RREB1: variants seen among roughly 807,000 people sequenced by gnomAD.
RREB1 encodes the protein ras-responsive element-binding protein 1.
In RREB1, 27 loss-of-function variants were observed where a neutral mutation model predicts 117.8. That is an observed-to-expected ratio of 0.23 (90% CI 0.17 to 0.32). The LOEUF (loss-of-function observed/expected upper bound fraction) is 0.32. Ranked by LOEUF, RREB1 falls within the 10% of genes least tolerant of loss-of-function variation. RREB1 has a pLI of 1.00. For missense variants in RREB1, 2,577 were observed against 2,378.2 expected (o/e 1.08, Z -1.74); for synonymous variants, 1,298 against 1,026.7 (o/e 1.26, Z -5.05).
intron 1 of RREB1, among the ~76,000 whole-genome samples, chr6:7,155,028 G>T (rs1001266436): frequency 6.6e-6 from 1 of 152,174 alleles, no homozygotes; most frequent in Non-Finnish European, 1.5e-5. Flanking sequence ...ATAGAACGGG[G>T]TTGTTAGGGG....
intron 1 of RREB1, among the ~76,000 whole-genome samples, chr6:7,126,065 G>C (rs554809348): frequency 3.3e-5 from 5 of 152,118 alleles, no homozygotes; most frequent in Admixed American, 3.3e-4. Flanking sequence ...GCAGTGGCAC[G>C]ATCTCGGCTC....
chr6:7,126,277 G>T (rs1761918946), intron 1 of RREB1, among the ~76,000 whole-genome samples: 1 of 152,036 alleles, frequency 6.6e-6, no homozygotes, highest in Non-Finnish European at 1.5e-5. Context: ...TGGGATTACA[G>T]GCGTGAGCCA....
chr6:7,162,996 C>T (rs568786724), intron 1 of RREB1, among the ~76,000 whole-genome samples: 25 of 152,084 alleles, frequency 1.6e-4, no homozygotes, highest in Admixed American at 3.3e-4. Context: ...ACTACAGGTA[C>T]CCACCACCAC....
Position 7,231,416 on chromosome 6 carries a change from G to T in RREB1, c.3317G>T (p.Gly1106Val). 2 of 1,613,340 alleles carry T rather than the reference G, an allele frequency of 1.2e-6. No homozygotes were observed. Among genetic ancestry groups the T allele is most frequent in the Non-Finnish European group, 8.5e-7 (1 of 1,179,868 alleles). Residue 1106 changes from glycine (G) to valine (V), a missense_variant, in exon 10 of 13, where the codon GGT (glycine) becomes GTT (valine). Physicochemically the swap from Gly to Val is moderately radical, Grantham distance 109. Coordinates refer to ENST00000379938, the MANE Select transcript of RREB1 (RefSeq NM_001003699.4). ...SNTTASDSLG[G>V]SVPKAATTAT... Reference sequence around the variant, plus strand: ...ACCACGGCTTCAGACAGCTTAGGAGGTTCTGTCCCCAAAGCCGCCACCACC... The same window carrying T: ...ACCACGGCTTCAGACAGCTTAGGAGTTTCTGTCCCCAAAGCCGCCACCACC...
intron 1 of RREB1, among the ~76,000 whole-genome samples, chr6:7,130,107 C>G (rs556537162): frequency 6.6e-6 from 1 of 152,330 alleles, no homozygotes; most frequent in East Asian, 1.9e-4. Context: ...TTGCCTGTTG[C>G]TGTTCTCTGC....
chr6:7,179,713 T>G (rs1221189143), intron 2 of RREB1, among the ~76,000 whole-genome samples: 2 of 152,230 alleles, frequency 1.3e-5, no homozygotes, highest in Non-Finnish European at 2.9e-5. Flanking sequence ...GTATGCACTT[T>G]GTGTCTACAT....
At chr6:7,162,844 A>T (rs1763736354) in intron 1 of RREB1, among the ~76,000 whole-genome samples, 1 of 151,322 alleles carries the variant, frequency 6.6e-6, no homozygotes, top group Admixed American at 6.6e-5. Flanking sequence ...TTTTATTTTT[A>T]TTTTTTTATT....
chr6:7,227,831 C>T (rs1767676368), intron 9 of RREB1, among the ~76,000 whole-genome samples: 1 of 152,118 alleles, frequency 6.6e-6, no homozygotes, highest in African/African-American at 2.4e-5. Flanking sequence ...TTTGGGAGGC[C>T]AAGGCAAGTG....
Position 7,229,147 on chromosome 6 carries a change from G to C in RREB1, c.1048G>C (p.Ala350Pro), listed in dbSNP as rs899514750. 6.2e-6 allele frequency: 10 copies of C among 1,610,010 alleles called. No homozygotes were observed. Among genetic ancestry groups the C allele is most frequent in the Non-Finnish European group, 8.5e-6 (10 of 1,177,064 alleles). Residue 350 changes from alanine to proline, a missense_variant, in exon 10 of 13, where the codon GCC becomes CCC. Ala to Pro is a conservative substitution (Grantham distance 27, BLOSUM62 -1). Coordinates refer to ENST00000379938, the MANE Select transcript of RREB1 (RefSeq NM_001003699.4). The surrounding 1 kb of genome is among the most constrained non-coding windows in gnomAD (Gnocchi z 4.5). ...AADQGQEKPQATPLPGDALDQ... is the reference protein window; with the variant it reads ...AADQGQEKPQPTPLPGDALDQ... ...AGACCAGGGTCAAGAAAAGCCGCAG[G>C]CCACGCCCCTGCCTGGTGACGCCCT...
At chr6:7,119,182 C>T (rs976757285) in intron 1 of RREB1, among the ~76,000 whole-genome samples, 2 of 151,956 alleles carry the variant, frequency 1.3e-5, no homozygotes, top group African/African-American at 4.8e-5. Context: ...GAAACCCCAT[C>T]TTTACTAAAA....
intron 6 of RREB1, among the ~76,000 whole-genome samples, chr6:7,204,352 C>G (rs1766154970): frequency 1.4e-5 from 2 of 144,654 alleles, no homozygotes; most frequent in South Asian, 4.7e-4. Context: ...CATTTGTTTG[C>G]ATAGAACTTG....
intron 1 of RREB1, among the ~76,000 whole-genome samples, chr6:7,140,285 A>G (rs1418955200): frequency 6.6e-6 from 1 of 152,162 alleles, no homozygotes; most frequent in East Asian, 1.9e-4. Context: ...GCTGCCTTCT[A>G]GGATGAAAGA....
At position 7,231,063 on chromosome 6, in the gene RREB1, C is replaced by T. The variant is rs994279854; in HGVS notation, c.2964C>T (p.Ile988=). Residue 988 remains isoleucine, a synonymous_variant, in exon 10 of 13, where the codon ATC becomes ATT. Coordinates refer to ENST00000379938, the MANE Select transcript of RREB1 (RefSeq NM_001003699.4). ...SLPVTLGPSG[I]LESPMAPAPA... is the part of the protein sequence containing the mutation. ...CTGTAACTTTGGGGCCCAGCGGAAT[C>T]CTGGAAAGCCCCATGGCCCCTGCTC... is the stretch of plus-strand genomic sequence containing the variant. 9.9e-6 allele frequency: 16 copies of T among 1,613,642 alleles called. No individual in the cohort carries two copies. Among genetic ancestry groups the T allele is most frequent in the Non-Finnish European group, 1.3e-5 (15 of 1,180,026 alleles).
chr6:7,211,689 C>T lies in RREB1; in HGVS notation c.687C>T (p.Thr229=), dbSNP rs200510410. 1.9e-6 allele frequency: 3 copies of T among 1,614,040 alleles called. No individual in the cohort carries two copies. In the Admixed American group the frequency reaches 5.0e-5, roughly 27 times the overall value. The change falls in exon 8 of 13, where the codon ACC becomes ACT. Residue 229 remains threonine (T), a synonymous_variant. Transcript: ENST00000379938. The stretch of plus-strand genomic sequence containing the variant: ...ATGGACTGGAGACCCACATGGAGAC[C>T]CATTCAGATAACCCACTAAGGTAGG... ...CKYGLETHME[T]HSDNPLRCDI...
rs973148780 is a variant in RREB1 at position 7,249,911 on chromosome 6, G to A, written c.*943G>A. On this transcript the variant is annotated 3_prime_UTR_variant, in exon 13 of 13. Transcript: ENST00000379938. ...AGACCTGTGCCGCACCCAGGTCCCC[G>A]TGTTAACGTGTGCCTGCGGTTGTGG... 1 of 152,564 alleles carries A rather than the reference G, an allele frequency of 6.6e-6. No individual in the cohort carries two copies. Among genetic ancestry groups the A allele is most frequent in the African/African-American group, 2.4e-5 (1 of 41,410 alleles). 9.5% of individuals were successfully genotyped at this position (152,564 alleles called of 1,614,324 possible). A position where few individuals can be genotyped will look rare whatever the true frequency, so the allele number is the denominator to read the frequency against.
intron 1 of RREB1, among the ~76,000 whole-genome samples, chr6:7,153,090 A>T (rs1219077036): frequency 1.4e-5 from 2 of 144,874 alleles, no homozygotes; most frequent in Non-Finnish European, 3.0e-5. Context: ...AGGAGGTATT[A>T]ATCTTTGTGA....
chr6:7,250,568 G>A lies in RREB1; in HGVS notation c.*1600G>A, dbSNP rs969245251. 8 of 151,910 alleles carry A rather than the reference G, an allele frequency of 5.3e-5. No homozygotes were observed. The highest frequency in any genetic ancestry group is 8.8e-5 in the Non-Finnish European group (6 of 67,990). 9.4% of individuals were successfully genotyped at this position (151,910 alleles called of 1,614,324 possible). A position where few individuals can be genotyped will look rare whatever the true frequency, so the allele number is the denominator to read the frequency against. ...AGCCAGCCTGCTGCTGGGGACCCCT[G>A]TGCTTGCTGCAGTGTATGGAGCCTC... On this transcript the variant is annotated 3_prime_UTR_variant, in exon 13 of 13. Transcript: ENST00000379938.
intron 5 of RREB1, among the ~76,000 whole-genome samples, chr6:7,187,953 G>GGAGACCAGCCTGGCCAACATGGTC (rs1765171861): frequency 6.6e-6 from 1 of 152,042 alleles, no homozygotes; most frequent in East Asian, 1.9e-4. Context: ...ATCAGGATTT[G>GGAGACCAGCCTGGCCAACATGGTC]GAGACCAGCC....
rs375016931 is a variant in RREB1, at chr6:7,117,472, G to A, written c.-285+9412G>A. 1.8e-4 allele frequency among the ~76,000 whole-genome samples: 25 copies of A among 136,076 alleles called. No individual in the cohort carries two copies. The South Asian group carries it at 5.5e-3, about 30-fold the overall frequency. 89.3% of individuals were successfully genotyped at this position (136,076 alleles called of 152,430 possible). On this transcript the variant is annotated intron_variant, in intron 1 of 12. Transcript: ENST00000379938. ...GTCACCGAGGCTGGAGTGCAATGGC[G>A]CAGTCTTGGCTCACTGCAACCTCCG...
Sources: allele counts gnomAD v4.1 joint callset (sites outside exome capture counted in the v4.1 genomes callset), GRCh38; gene constraint gnomAD v4.1.1; non-coding constraint Gnocchi (gnomAD v3.1); transcripts MANE v1.5; gene names NCBI Gene and HGNC (gene_info 2026-07-23, HGNC 2026-07-21).